MRPS27: variants seen among roughly 807,000 people sequenced by gnomAD.
MRPS27 encodes small ribosomal subunit protein mS27.
Under a neutral mutation model 48.9 loss-of-function variants are expected in MRPS27, and 43 were observed. The ratio of observed to expected loss-of-function variants is 0.88; its 90% CI spans 0.69 to 1.13. The LOEUF is 1.13. Ranked by LOEUF, MRPS27 falls within the 50% of genes most tolerant of loss-of-function variation. The pLI is 0.00. For synonymous variants in MRPS27, 188 were observed against 171.9 expected (o/e 1.09, Z -0.73); for missense variants, 467 against 476.3 (o/e 0.98, Z 0.18).
intron 10 of MRPS27, 105 bp from the exon 11 acceptor site, chr5:72,221,253 A>C: frequency 7.1e-7 from 1 of 1,405,074 alleles, no homozygotes; most frequent in East Asian, 2.3e-5. Flanking sequence ...TTTGAACAAA[A>C]GTTTGCTGAC....
At chr5:72,302,177 C>T (rs1030275126) in intron 2 of MRPS27, among the ~76,000 whole-genome samples, 3 of 152,142 alleles carry the variant, frequency 2.0e-5, no homozygotes, top group Admixed American at 6.5e-5. Context: ...ATGCCCTTCC[C>T]ATTTGAAGAA....
At chr5:72,253,139 C>CTA (rs1398488699) in intron 4 of MRPS27, among the ~76,000 whole-genome samples, 1 of 152,212 alleles carries the variant, frequency 6.6e-6, no homozygotes, top group East Asian at 1.9e-4. Context: ...TGCTTCTGGA[C>CTA]TACCTCTCCT....
At chr5:72,308,637 C>T (rs1361984632) in intron 2 of MRPS27, among the ~76,000 whole-genome samples, 1 of 152,250 alleles carries the variant, frequency 6.6e-6, no homozygotes, top group Non-Finnish European at 1.5e-5. Context: ...GCTCTCCCTA[C>T]CATGCGGCCT....
intron 4 of MRPS27, among the ~76,000 whole-genome samples, chr5:72,255,043 T>C (rs1351969082): frequency 3.6e-5 from 5 of 137,728 alleles, no homozygotes; most frequent in African/African-American, 1.1e-4. Context: ...TTTTTTTTTT[T>C]TTTTTTTTTT....
At chr5:72,263,835 G>A (rs1168490471) in intron 4 of MRPS27, among the ~76,000 whole-genome samples, 1 of 152,022 alleles carries the variant, frequency 6.6e-6, no homozygotes, top group East Asian at 1.9e-4. Flanking sequence ...AAAATAGTTT[G>A]GCAGTTCCTA....
chr5:72,320,114 A>C (rs1161171617), intron 1 of MRPS27, 35 bp downstream of exon 1: 4 of 1,601,962 alleles, frequency 2.5e-6, no homozygotes, highest in Non-Finnish European at 3.4e-6. Flanking sequence ...CAAAAAACAG[A>C]ATAATCAGGG....
intron 2 of MRPS27, among the ~76,000 whole-genome samples, chr5:72,305,196 T>C (rs1750227540): frequency 6.6e-6 from 1 of 152,150 alleles, no homozygotes; most frequent in Non-Finnish European, 1.5e-5. Context: ...ACATATATAT[T>C]AATGAGACTA....
At chr5:72,236,184 A>T (rs1394594239) in intron 5 of MRPS27, among the ~76,000 whole-genome samples, 1 of 152,160 alleles carries the variant, frequency 6.6e-6, no homozygotes, top group Admixed American at 6.6e-5. Flanking sequence ...AAATTTTTTT[A>T]AATTCCAATG....
chr5:72,303,273 T>C (rs1277519807), intron 2 of MRPS27, among the ~76,000 whole-genome samples: 1 of 152,210 alleles, frequency 6.6e-6, no homozygotes, highest in African/African-American at 2.4e-5. Flanking sequence ...TAAATATACA[T>C]AGTTTATTTT....
In MRPS27 at chr5:72,220,925, G is replaced by A. The variant is rs1319296683; in HGVS notation, c.1229C>T (p.Ala410Val). 1 of 1,614,038 alleles carries A rather than the reference G, an allele frequency of 6.2e-7. No individual in the cohort carries two copies. Among genetic ancestry groups the A allele is most frequent in the Admixed American group, 1.7e-5 (1 of 60,008 alleles). ...GGGACCCTATTAGGCAGATGCCTTT[G>A]CTGCTTTCTGAGCCTGGTACTCCTG... ...AKQEYQAQKA[A>V]KASA is the part of the protein sequence containing the mutation. Residue 410 changes from alanine (A) to valine (V), a missense_variant, in exon 11 of 11, where the codon GCA becomes GTA. Ala to Val is a moderately conservative substitution (Grantham distance 64). Coordinates refer to ENST00000261413, the MANE Select transcript of MRPS27 (RefSeq NM_015084.3).
intron 4 of MRPS27, among the ~76,000 whole-genome samples, chr5:72,280,406 A>AT (rs10710435): frequency 2.0e-4 from 30 of 152,132 alleles, no homozygotes; most frequent in Admixed American, 1.1e-3. Context: ...CTTTATAAGT[A>AT]TTTTTTTTAA....
intron 4 of MRPS27, among the ~76,000 whole-genome samples, chr5:72,287,620 CAG>C (rs1264671605): frequency 6.6e-6 from 1 of 152,188 alleles, no homozygotes; most frequent in Admixed American, 6.5e-5. Flanking sequence ...GCCTGCATGA[CAG>C]AGACTCCATC....
Position 72,220,966 on chromosome 5 carries a change from CTG to C in MRPS27, c.1186_1187del (p.Gln396GlufsTer94). Reference protein sequence around the residue: ...LVQLIQREQQQREQAKQEYQA... With the variant: ...LVQLIQREQQXREQAKQEYQA... ...GGTACTCCTGCTTCGCTTGCTCCCT[CTG>C]TTGCTGTTCTCTCTGGATCAACTGT... On this transcript the variant is annotated frameshift_variant, in exon 11 of 11. Coordinates refer to ENST00000261413, the MANE Select transcript of MRPS27 (RefSeq NM_015084.3). LOFTEE classifies it high-confidence loss of function. The C allele has an allele frequency of 7.4e-6, 12 of 1,614,200 alleles. No homozygotes were observed. The highest frequency in any genetic ancestry group is 9.3e-6 in the Non-Finnish European group (11 of 1,180,014).
chr5:72,232,507 G>T lies in MRPS27; in HGVS notation c.527C>A (p.Pro176His), dbSNP rs191095371. 1.5e-5 allele frequency: 24 copies of T among 1,612,776 alleles called. No homozygotes were observed. In the Admixed American group the frequency reaches 3.5e-4, roughly 24 times the overall value. Residue 176 changes from proline to histidine, a missense_variant, in exon 7 of 11, where the codon CCT becomes CAT. Coordinates refer to ENST00000261413, the MANE Select transcript of MRPS27 (RefSeq NM_015084.3). ...EVMMQEAFEV[P>H]STQLLSLYVL... is the part of the protein sequence containing the mutation. ...ATAGAGGGAGAGAAGTTGGGTGGAAGGCACTTCAAAGGCTTCTTGCATCAT... is the reference window on the plus strand; with the variant it reads ...ATAGAGGGAGAGAAGTTGGGTGGAATGCACTTCAAAGGCTTCTTGCATCAT...
At chr5:72,259,838 T>C (rs1355539625) in intron 4 of MRPS27, among the ~76,000 whole-genome samples, 1 of 152,222 alleles carries the variant, frequency 6.6e-6, no homozygotes, top group Non-Finnish European at 1.5e-5. Context: ...TTTTTGAGTA[T>C]GTGTTTCCAT....
chr5:72,240,026 G>A (rs946803290), intron 4 of MRPS27, among the ~76,000 whole-genome samples: 3 of 152,138 alleles, frequency 2.0e-5, no homozygotes, highest in Non-Finnish European at 4.4e-5. Flanking sequence ...CTGCTTCAAC[G>A]ATGGTGATGC....
intron 2 of MRPS27, among the ~76,000 whole-genome samples, chr5:72,303,882 C>CAAAAAAAAAAAAAAAA (rs397818748): frequency 1.4e-5 from 1 of 69,162 alleles, no homozygotes; most frequent in African/African-American, 6.1e-5. Context: ...GACCTCATCT[C>CAAAAAAAAAAAAAAAA]AAAAAAAAAA....
intron 4 of MRPS27, among the ~76,000 whole-genome samples, chr5:72,269,075 A>G (rs1413781810): frequency 2.0e-5 from 3 of 152,198 alleles, no homozygotes; most frequent in Non-Finnish European, 4.4e-5. Flanking sequence ...CTCTGATTAC[A>G]TTATTTGCAG....
chr5:72,227,492 AC>A (rs935346090), intron 8 of MRPS27: 6 of 152,212 alleles, frequency 3.9e-5, no homozygotes, highest in African/African-American at 1.4e-4. Flanking sequence ...AACTGCTATA[AC>A]TTTATGATTT....
Sources: allele counts gnomAD v4.1 joint callset (sites outside exome capture counted in the v4.1 genomes callset), GRCh38; gene constraint gnomAD v4.1.1; transcripts MANE v1.5; gene names NCBI Gene and HGNC (gene_info 2026-07-23, HGNC 2026-07-21).